Variants in HAGH observed in about 807,000 individuals in gnomAD.
The protein encoded by HAGH is hydroxyacylglutathione hydrolase, mitochondrial.
A neutral mutation model predicts 35.1 loss-of-function variants in HAGH; 29 were observed. The ratio of observed to expected loss-of-function variants is 0.83; its 90% CI spans 0.62 to 1.13. HAGH has a LOEUF of 1.13. Among genes scored for constraint, HAGH ranks in the 50% most tolerant of loss-of-function variants. HAGH has a pLI of 0.00. For missense variants in HAGH, 478 were observed against 419.6 expected (o/e 1.14, Z -1.22); for synonymous variants, 225 against 176.1 (o/e 1.28, Z -2.20).
intron 1 of HAGH, among the ~76,000 whole-genome samples, chr16:1,824,706 T>C (rs1443518059): frequency 3.9e-5 from 6 of 152,170 alleles, no homozygotes; most frequent in African/African-American, 1.4e-4. Context: ...TCCGACCTTA[T>C]TTCCACAGCC....
At chr16:1,814,943 A>ACC (rs1897826489) in intron 7 of HAGH, among the ~76,000 whole-genome samples, 1 of 148,878 alleles carries the variant, frequency 6.7e-6, no homozygotes. Context: ...ACACACACAC[A>ACC]CACACACACA....
intron 3 of HAGH, among the ~76,000 whole-genome samples, 174 bp from the exon 4 acceptor site, chr16:1,820,188 G>A (rs778068351): frequency 6.6e-6 from 1 of 151,942 alleles, no homozygotes; most frequent in African/African-American, 2.4e-5. Flanking sequence ...CAGACACCTG[G>A]ATGATCCTGT....
intron 3 of HAGH, 95 bp from the exon 4 acceptor site, chr16:1,820,109 C>A: frequency 1.3e-6 from 1 of 768,362 alleles, no homozygotes. Flanking sequence ...GGGCTGCCTG[C>A]TGCTCTTAAA....
At chr16:1,825,466 C>T (rs1898358496) in intron 1 of HAGH, among the ~76,000 whole-genome samples, 1 of 152,218 alleles carries the variant, frequency 6.6e-6, no homozygotes, top group Admixed American at 6.5e-5. Context: ...CACTGCCTGG[C>T]AAATGTTCCC....
chr16:1,819,228 A>C lies in HAGH; in HGVS notation c.433-5T>G. On this transcript the variant is annotated splice_region_variant and splice_polypyrimidine_tract_variant and intron_variant, in intron 4 of 8. Coordinates refer to ENST00000397356, the MANE Select transcript of HAGH (RefSeq NM_005326.6). The stretch of plus-strand genomic sequence containing the variant: ...CTTGACGTTCAGAGACCCCACCTTC[A>C]ACAAAGCAGGCGACCGCGTGTGCTC... 1.3e-6 allele frequency: 2 copies of C among 1,592,432 alleles called. No homozygotes were observed. The highest frequency in any genetic ancestry group is 1.3e-5 in the African/African-American group (1 of 74,620).
intron 1 of HAGH, 50 bp from the exon 2 acceptor site, chr16:1,823,087 G>A (rs1443693086): frequency 3.9e-6 from 6 of 1,519,954 alleles, no homozygotes; most frequent in Non-Finnish European, 5.5e-6. Flanking sequence ...GGCCCTCCAC[G>A]ACAGGACGCG....
At chr16:1,811,385 G>T (rs1173190670) in intron 7 of HAGH, among the ~76,000 whole-genome samples, 1 of 151,988 alleles carries the variant, frequency 6.6e-6, no homozygotes, top group Non-Finnish European at 1.5e-5. Context: ...CTGCACTCCA[G>T]CCTGGGCAGC....
rs572711537 is a variant in HAGH, at chr16:1,809,325, G to C, written c.885C>G (p.Ala295=). Residue 295 remains alanine, a synonymous_variant, in exon 9 of 9, where the codon GCC becomes GCG. Coordinates refer to ENST00000397356, the MANE Select transcript of HAGH (RefSeq NM_005326.6). ...TGAACTGGTCCTTCTCCCTGCGCAC[G>C]GCCCGCATGGTGGTCACCGGGTCCG... The part of the protein sequence containing the change: ...GETDPVTTMR[A]VRREKDQFKM... 8 of 1,613,662 alleles carry C rather than the reference G, an allele frequency of 5.0e-6. No homozygotes were observed. Among genetic ancestry groups the C allele is most frequent in the Admixed American group, 3.3e-5 (2 of 60,010 alleles).
Position 1,817,224 on chromosome 16 carries a change from C to T in HAGH, c.589G>A (p.Ala197Thr). ...AGCGKFYEGT[A>T]DEMCKALLEV... ...AGCAGAGCTTTACACATCTCATCCG[C>T]AGTCCCTTCATAGAACTTCCCGCAG... Residue 197 changes from alanine (A) to threonine (T), a missense_variant, in exon 6 of 9, where the codon GCG (alanine) becomes ACG (threonine). Physicochemically the swap from Ala to Thr is moderately conservative, Grantham distance 58. Coordinates refer to ENST00000397356, the MANE Select transcript of HAGH (RefSeq NM_005326.6). 6.2e-7 allele frequency: 1 copy of T among 1,613,752 alleles called. No individual in the cohort carries two copies. Among genetic ancestry groups the T allele is most frequent in the Non-Finnish European group, 8.5e-7 (1 of 1,179,636 alleles).
chr16:1,810,971 T>G (rs1055686038), intron 7 of HAGH: 5 of 152,232 alleles, frequency 3.3e-5, no homozygotes, highest in African/African-American at 9.6e-5. Flanking sequence ...TCCCTCTGCC[T>G]CCTACGAGGG....
chr16:1,811,131 C>G (rs953030764), intron 7 of HAGH, among the ~76,000 whole-genome samples: 31 of 152,320 alleles, frequency 2.0e-4, no homozygotes, highest in African/African-American at 7.2e-4. Context: ...TAAGGTCAGT[C>G]AGCCGAGCGC....
At chr16:1,824,782 C>A (rs868549011) in intron 1 of HAGH, among the ~76,000 whole-genome samples, 11 of 152,202 alleles carry the variant, frequency 7.2e-5, no homozygotes, top group Non-Finnish European at 1.2e-4. Context: ...GCCTGACAAC[C>A]AGCTGGGCAT....
At chr16:1,823,097 G>A (rs1054036327) in intron 1 of HAGH, 60 bp from the exon 2 acceptor site, 16 of 1,415,070 alleles carry the variant, frequency 1.1e-5, no homozygotes, top group Admixed American at 3.4e-5. Flanking sequence ...GACAGGACGC[G>A]CAAGCTGCAG....
At position 1,809,306 on chromosome 16, in the gene HAGH, G is replaced by A. The variant is rs1897523588; in HGVS notation, c.904C>T (p.Gln302Ter). 8.1e-6 allele frequency: 13 copies of A among 1,613,174 alleles called. No homozygotes were observed. The East Asian group carries it at 2.2e-4, about 28-fold the overall frequency. Residue 302 changes from glutamine to a stop codon, truncating the protein, a stop_gained, in exon 9 of 9, where the codon CAG becomes TAG. Transcript: ENST00000397356. LOFTEE classifies it high-confidence loss of function. Reference sequence around the variant, plus strand: ...CCTCAGTCCCGGGGCATCTTGAACTGGTCCTTCTCCCTGCGCACGGCCCGC... The same window carrying A: ...CCTCAGTCCCGGGGCATCTTGAACTAGTCCTTCTCCCTGCGCACGGCCCGC... ...TMRAVRREKD[Q>*]FKMPRD
intron 7 of HAGH, among the ~76,000 whole-genome samples, chr16:1,816,529 T>C (rs993002403): frequency 3.9e-5 from 6 of 152,084 alleles, no homozygotes; most frequent in African/African-American, 1.4e-4. Context: ...GGCTACGCCA[T>C]GGAGGCTCAC....
intron 3 of HAGH, among the ~76,000 whole-genome samples, chr16:1,820,550 C>A (rs989127065): frequency 1.3e-5 from 2 of 152,320 alleles, no homozygotes; most frequent in Admixed American, 1.3e-4. Flanking sequence ...CGCGGCCTGT[C>A]TGCAGGGGAG....
chr16:1,818,908 C>T lies in HAGH; in HGVS notation c.541+207G>A, dbSNP rs980838930. 8.7e-6 allele frequency: 5 copies of T among 573,296 alleles called. No homozygotes were observed. The African/African-American group carries it at 9.4e-5, about 11-fold the overall frequency. 35.5% of individuals were successfully genotyped at this position (573,296 alleles called of 1,614,324 possible). The stretch of plus-strand genomic sequence containing the variant: ...GTCTCCGCCAGCACAGCCCTTGCTG[C>T]AAGCGTAACTTCCTTCCAGACCACG... On this transcript the variant is annotated intron_variant, in intron 5 of 8. Transcript: ENST00000397356.
At chr16:1,824,149 G>A (rs1389509078) in intron 1 of HAGH, among the ~76,000 whole-genome samples, 1 of 151,860 alleles carries the variant, frequency 6.6e-6, no homozygotes, top group Admixed American at 6.6e-5. Context: ...TTGAATCCGG[G>A]AGGTGAAAGT....
At chr16:1,819,407 G>A (rs1233139962) in intron 4 of HAGH, among the ~76,000 whole-genome samples, 184 bp from the exon 5 acceptor site, 1 of 152,252 alleles carries the variant, frequency 6.6e-6, no homozygotes, top group African/African-American at 2.4e-5. Context: ...TGCGCCCCAA[G>A]TGCAGGGCCA....
Sources: gnomAD v4.1 joint callset for allele counts (sites outside exome capture counted in the v4.1 genomes callset) on GRCh38, gnomAD v4.1.1 for gene constraint, MANE v1.5 for transcripts, NCBI Gene and HGNC (gene_info 2026-07-23, HGNC 2026-07-21) for gene names.